The following RBMS3 variants were observed in gnomAD, a reference collection of about 807,000 sequenced individuals.
The protein encoded by RBMS3 is RNA binding motif single stranded interacting protein 3.
In RBMS3, 27 loss-of-function variants were observed where a neutral mutation model predicts 66.8. That is an observed-to-expected ratio of 0.40 (90% CI 0.30 to 0.56). The LOEUF is 0.56. Among genes scored for constraint, RBMS3 ranks in the 20% least tolerant of loss-of-function variants. The pLI is 0.40. For synonymous variants in RBMS3, 188 were observed against 183.0 expected (o/e 1.03, Z -0.22); for missense variants, 513 against 549.5 (o/e 0.93, Z 0.66).
chr3:29,884,687 A>C (rs1043625127), intron 8 of RBMS3, among the ~76,000 whole-genome samples: 1 of 151,844 alleles, frequency 6.6e-6, no homozygotes. Context: ...AAGCATCTGG[A>C]AATTTGTATC....
intron 10 of RBMS3, among the ~76,000 whole-genome samples, chr3:29,935,432 A>C (rs2061241857): frequency 6.6e-6 from 1 of 152,168 alleles, no homozygotes; most frequent in South Asian, 2.1e-4. Flanking sequence ...GGACATAAAA[A>C]TTTGACCAGC....
intron 1 of RBMS3, chr3:29,290,553 G>C (rs551593093): frequency 6.6e-6 from 1 of 151,894 alleles, no homozygotes; most frequent in South Asian, 2.1e-4. Context: ...TGCATCTTTA[G>C]AAATAAGAAT....
At chr3:29,564,294 T>C (rs568858771) in intron 3 of RBMS3, among the ~76,000 whole-genome samples, 4 of 151,906 alleles carry the variant, frequency 2.6e-5, no homozygotes, top group Non-Finnish European at 5.9e-5. Context: ...CTGACCAACA[T>C]AGTGAAACAT....
chr3:29,311,513 G>A (rs565015454), intron 1 of RBMS3, among the ~76,000 whole-genome samples: 59 of 151,784 alleles, frequency 3.9e-4, no homozygotes, highest in Admixed American at 7.2e-4. Flanking sequence ...AAAAATGTTG[G>A]CATTATGCTA....
chr3:29,803,683 A>C (rs1381414474), intron 6 of RBMS3, among the ~76,000 whole-genome samples: 2 of 152,020 alleles, frequency 1.3e-5, no homozygotes, highest in African/African-American at 4.8e-5. Flanking sequence ...TAGATATGTA[A>C]AATGTATGCA....
intron 1 of RBMS3, among the ~76,000 whole-genome samples, chr3:29,431,430 T>C (rs1174736513): frequency 6.6e-6 from 1 of 151,398 alleles, no homozygotes; most frequent in Admixed American, 6.6e-5. Flanking sequence ...GTAGCTGGGA[T>C]TATAGGCACA....
intron 6 of RBMS3, among the ~76,000 whole-genome samples, chr3:29,814,628 G>A (rs980365138): frequency 1.3e-5 from 2 of 152,086 alleles, no homozygotes; most frequent in African/African-American, 2.4e-5. Context: ...TTTTTGGTTG[G>A]TAAGCTACTG....
intron 3 of RBMS3, among the ~76,000 whole-genome samples, chr3:29,506,376 A>T (rs1392709241): frequency 6.6e-6 from 1 of 152,030 alleles, no homozygotes; most frequent in East Asian, 1.9e-4. Context: ...GTGATTTATC[A>T]TATTTATAGA....
chr3:29,806,132 C>A (rs1357979061), intron 6 of RBMS3, among the ~76,000 whole-genome samples: 1 of 151,984 alleles, frequency 6.6e-6, no homozygotes, highest in East Asian at 1.9e-4. Context: ...CTATTTGATG[C>A]ATGAACCATA....
chr3:29,840,104 G>A (rs1454655552), intron 6 of RBMS3, among the ~76,000 whole-genome samples: 5 of 151,786 alleles, frequency 3.3e-5, no homozygotes, highest in Non-Finnish European at 7.4e-5. Context: ...GAAACTGTAA[G>A]GAAAAGAAAA....
At chr3:29,710,702 T>C (rs1163145976) in intron 4 of RBMS3, among the ~76,000 whole-genome samples, 2 of 151,986 alleles carry the variant, frequency 1.3e-5, no homozygotes, top group African/African-American at 4.8e-5. Flanking sequence ...CCAGTTTAAC[T>C]GTCAGGCCAT....
chr3:29,572,890 G>C (rs185348841), intron 3 of RBMS3, among the ~76,000 whole-genome samples: 1 of 152,122 alleles, frequency 6.6e-6, no homozygotes, highest in East Asian at 1.9e-4. Context: ...AATCTGTTGG[G>C]TCCTGGGTTT....
intron 14 of RBMS3, among the ~76,000 whole-genome samples, chr3:29,992,473 C>A (rs538561264): frequency 6.6e-6 from 1 of 152,030 alleles, no homozygotes; most frequent in African/African-American, 2.4e-5. Context: ...TGTAGTCCCA[C>A]CTACTCTGGG....
At chr3:29,724,739 AT>A (rs2053783560) in intron 4 of RBMS3, among the ~76,000 whole-genome samples, 1 of 152,166 alleles carries the variant, frequency 6.6e-6, no homozygotes, top group Non-Finnish European at 1.5e-5. Flanking sequence ...AATAATTTAG[AT>A]TGTCAAATCA....
chr3:29,694,861 TAAA>T (rs771474312), intron 4 of RBMS3, among the ~76,000 whole-genome samples: 7,794 of 147,106 alleles, frequency 0.053, 238 homozygotes, highest in African/African-American at 0.062. Flanking sequence ...AATTTTTTTT[TAAA>T]AAAAAAATAC....
chr3:29,545,331 A>G (rs1576182230), intron 3 of RBMS3, among the ~76,000 whole-genome samples: 1 of 152,254 alleles, frequency 6.6e-6, no homozygotes, highest in East Asian at 1.9e-4. Flanking sequence ...TTAAAACTCT[A>G]TGATGTTTTT....
chr3:29,397,969 A>G (rs4594579), intron 1 of RBMS3, among the ~76,000 whole-genome samples: 68,286 of 151,998 alleles, frequency 0.45, 16,355 homozygotes, highest in East Asian at 0.65. Flanking sequence ...AAGTATTCAA[A>G]CTATGATAAG....
intron 3 of RBMS3, among the ~76,000 whole-genome samples, chr3:29,568,557 A>T (rs749514749): frequency 3.9e-5 from 6 of 152,232 alleles, no homozygotes; most frequent in Non-Finnish European, 7.3e-5. Flanking sequence ...AATTTATTCA[A>T]TGCCCAGAAC....
chr3:29,562,371 C>T (rs1323149907), intron 3 of RBMS3, among the ~76,000 whole-genome samples: 1 of 152,012 alleles, frequency 6.6e-6, no homozygotes, highest in African/African-American at 2.4e-5. Flanking sequence ...TCTGAAATTT[C>T]TCAACTTTGA....
Sources: gnomAD v4.1 joint callset for allele counts (sites outside exome capture counted in the v4.1 genomes callset) on GRCh38, gnomAD v4.1.1 for gene constraint, MANE v1.5 for transcripts, NCBI Gene and HGNC (gene_info 2026-07-23, HGNC 2026-07-21) for gene names.